Variants in CFAP251 observed in about 807,000 individuals in gnomAD.
CFAP251 encodes cilia and flagella associated protein 251.
CFAP251 carries 93 observed loss-of-function variants against 126.7 expected under a neutral mutation model. That is an observed-to-expected ratio of 0.73 (90% CI 0.62 to 0.87). The LOEUF (loss-of-function observed/expected upper bound fraction) is 0.87. CFAP251 is among the 40% of genes least tolerant of loss of function. CFAP251 has a pLI of 0.00. For missense variants in CFAP251, 1,287 were observed against 1,389.2 expected (o/e 0.93, Z 1.17); for synonymous variants, 503 against 506.9 (o/e 0.99, Z 0.10).
chr12:121,931,835 T>C lies in CFAP251; in HGVS notation c.837T>C (p.Ala279=), dbSNP rs1390301594. ...AGAGAGTTCTTCTGTATGTTTGTGC[T>C]CACACTGCGATCATCTACAACGTGT... ...ERQRVLLYVC[A]HTAIIYNVFR... The change falls in exon 4 of 22, where the codon GCT becomes GCC. Residue 279 remains alanine, a synonymous_variant. Coordinates refer to ENST00000288912, the MANE Select transcript of CFAP251 (RefSeq NM_144668.6). The C allele has an allele frequency of 1.9e-6, 3 of 1,605,864 alleles. No homozygotes were observed. The highest frequency in any genetic ancestry group is 2.5e-6 in the Non-Finnish European group (3 of 1,176,722).
chr12:121,981,255 T>G (rs543947407), intron 19 of CFAP251, among the ~76,000 whole-genome samples: 2 of 151,916 alleles, frequency 1.3e-5, no homozygotes, highest in Non-Finnish European at 2.9e-5. Flanking sequence ...ATCGCTTTAG[T>G]AAGCCCAGGA....
chr12:121,954,047 A>T (rs1003929783), intron 9 of CFAP251, 73 bp from the exon 10 acceptor site: 4 of 1,290,002 alleles, frequency 3.1e-6, no homozygotes. Flanking sequence ...ATAGCATTAT[A>T]AAATATCGTA....
At chr12:121,981,433 GCA>G (rs1386123679) in intron 19 of CFAP251, among the ~76,000 whole-genome samples, 1 of 152,072 alleles carries the variant, frequency 6.6e-6, no homozygotes, top group African/African-American at 2.4e-5. Flanking sequence ...TCACGCCACT[GCA>G]CACACACACC....
intron 20 of CFAP251, 119 bp from the exon 21 acceptor site, chr12:122,001,377 TA>T: frequency 9.9e-7 from 1 of 1,015,124 alleles, no homozygotes; most frequent in Non-Finnish European, 1.5e-6. Context: ...TTCAATTGAG[TA>T]AAAGAAAAAA....
intron 19 of CFAP251, among the ~76,000 whole-genome samples, chr12:121,981,697 G>A (rs1434999541): frequency 6.6e-6 from 1 of 152,202 alleles, no homozygotes; most frequent in East Asian, 1.9e-4. Flanking sequence ...CGTGGGCCGT[G>A]CCTCTCGCAG....
intron 9 of CFAP251, chr12:121,952,597 C>T (rs1016563464): frequency 6.6e-6 from 1 of 152,084 alleles, no homozygotes; most frequent in African/African-American, 2.4e-5. Flanking sequence ...CTGCTTGCCG[C>T]AAGCTCTTGT....
At position 122,001,676 on chromosome 12, in the gene CFAP251, T is replaced by C. The variant is rs189345749; in HGVS notation, c.3337+78T>C. 95 of 1,137,112 alleles carry C rather than the reference T, an allele frequency of 8.4e-5. 1 individual carries two copies. The Middle Eastern group carries it at 1.1e-3, about 13-fold the overall frequency. The allele number at this position is 1,137,112 out of a possible 1,614,324, so 70.4% of individuals were successfully genotyped here. Reference sequence around the variant, plus strand: ...TAGACTTCAGTACATTTATTTCTCCTGATCGGTGCAAGCCACTCTCCCTAA... The same window carrying C: ...TAGACTTCAGTACATTTATTTCTCCCGATCGGTGCAAGCCACTCTCCCTAA... On this transcript the variant is annotated intron_variant, in intron 21 of 21. Transcript: ENST00000288912.
intron 15 of CFAP251, among the ~76,000 whole-genome samples, chr12:121,964,871 C>G (rs923308802): frequency 6.6e-6 from 1 of 152,064 alleles, no homozygotes; most frequent in Non-Finnish European, 1.5e-5. Context: ...CCACTTTACT[C>G]CAGCCTGGGC....
chr12:121,993,746 A>G (rs1306390768), intron 19 of CFAP251, among the ~76,000 whole-genome samples: 36 of 133,900 alleles, frequency 2.7e-4, no homozygotes, highest in East Asian at 1.2e-3. Context: ...ACCCCGTCTG[A>G]GAAGTGAGGA....
Position 121,957,015 on chromosome 12 carries a change from A to C in CFAP251, c.1536-59A>C, listed in dbSNP as rs11043271. 0.42 allele frequency: 570,624 copies of C among 1,357,432 alleles called. 133,082 individuals carry two copies. Among genetic ancestry groups the C allele is most frequent in the Non-Finnish European group, 0.49 (482,404 of 992,962 alleles). The allele number at this position is 1,357,432 out of a possible 1,614,324, so 84.1% of individuals were successfully genotyped here. A position where few individuals can be genotyped will look rare whatever the true frequency, so the allele number is the denominator to read the frequency against. ...AGAGCCTGACATATAATTAGGTATT[A>C]TATAGATGCTACTTGTTATTATTGC... On this transcript the variant is annotated intron_variant, in intron 10 of 21. Transcript: ENST00000288912.
chr12:121,971,361 G>A (rs1444374515), intron 17 of CFAP251, among the ~76,000 whole-genome samples: 1 of 152,242 alleles, frequency 6.6e-6, no homozygotes, highest in African/African-American at 2.4e-5. Flanking sequence ...CAGACCTTAA[G>A]CCAGTCCGTG....
At chr12:121,985,450 C>T (rs1186348872) in intron 19 of CFAP251, among the ~76,000 whole-genome samples, 1 of 148,958 alleles carries the variant, frequency 6.7e-6, no homozygotes, top group East Asian at 2.0e-4. Context: ...AGGAGAATCG[C>T]TTGAACCCAG....
intron 7 of CFAP251, 95 bp downstream of exon 7, chr12:121,943,070 T>TC: frequency 7.5e-7 from 1 of 1,336,334 alleles, no homozygotes; most frequent in Non-Finnish European, 1.1e-6. Context: ...TCCCAGAACT[T>TC]TGGGAGGCTG....
chr12:121,941,954 T>A (rs574170254), intron 5 of CFAP251, among the ~76,000 whole-genome samples: 1 of 152,290 alleles, frequency 6.6e-6, no homozygotes, highest in South Asian at 2.1e-4. Context: ...GTCCTAGTCA[T>A]CTTTTCATAT....
At position 121,971,507 on chromosome 12, in the gene CFAP251, C is replaced by T. The variant is rs546944632; in HGVS notation, c.2771+3338C>T. 2.9e-4 allele frequency: 207 copies of T among 701,842 alleles called. 2 individuals carry two copies. In the African/African-American group the frequency reaches 3.2e-3, roughly 11 times the overall value. The allele number at this position is 701,842 out of a possible 1,614,324, so 43.5% of individuals were successfully genotyped here. On this transcript the variant is annotated intron_variant, in intron 17 of 21. Transcript: ENST00000288912. ...CACTTGTGCTGAGTTTTCTCAGGGC[C>T]GGGGCCTGCACTGAGTGAGTTCCAT...
chr12:121,967,964 A>T (rs756870765), intron 16 of CFAP251, 42 bp from the exon 17 acceptor site: 2 of 1,563,276 alleles, frequency 1.3e-6, no homozygotes, highest in Admixed American at 3.5e-5. Context: ...TCTCGGGCCC[A>T]GCTACCTGAG....
intron 19 of CFAP251, among the ~76,000 whole-genome samples, chr12:121,976,760 A>C (rs996922836): frequency 2.6e-5 from 4 of 152,002 alleles, no homozygotes; most frequent in Non-Finnish European, 5.9e-5. Flanking sequence ...CCCCCAAAAA[A>C]TTGCCCGGTG....
At chr12:121,946,584 G>C (rs1180414515) in intron 7 of CFAP251, among the ~76,000 whole-genome samples, 1 of 151,982 alleles carries the variant, frequency 6.6e-6, no homozygotes, top group Non-Finnish European at 1.5e-5. Context: ...TTTCAGCAGG[G>C]TTTTTGTTTT....
At chr12:121,929,552 G>A (rs1242024021) in intron 3 of CFAP251, among the ~76,000 whole-genome samples, 1 of 151,776 alleles carries the variant, frequency 6.6e-6, no homozygotes, top group Admixed American at 6.6e-5. Flanking sequence ...CTTATTATGG[G>A]CCTGGACAAA....
Sources: gnomAD v4.1 joint callset for allele counts (sites outside exome capture counted in the v4.1 genomes callset) on GRCh38, gnomAD v4.1.1 for gene constraint, MANE v1.5 for transcripts, NCBI Gene and HGNC (gene_info 2026-07-23, HGNC 2026-07-21) for gene names.